Variants in CENPM observed in about 807,000 individuals in gnomAD.
CENPM encodes the protein interphase centromere complex protein 39.
In CENPM, 14 loss-of-function variants were observed where a neutral mutation model predicts 19.6. The ratio of observed to expected loss-of-function variants is 0.71; its 90% CI spans 0.47 to 1.11. CENPM has a LOEUF of 1.11. Among genes scored for constraint, CENPM ranks in the 50% most tolerant of loss-of-function variants. The pLI is 0.00. For missense variants in CENPM, 239 were observed against 228.4 expected, an observed-to-expected ratio of 1.05 and a Z score of -0.30; for synonymous variants, 114 against 101.5, an observed-to-expected ratio of 1.12 and a Z score of -0.74.
Position 41,947,047 on chromosome 22 carries a change from C to T in CENPM, c.30G>A (p.Leu10=), listed in dbSNP as rs1261776282. 2 of 1,612,968 alleles carry T rather than the reference C, an allele frequency of 1.2e-6. No individual in the cohort carries two copies. Among genetic ancestry groups the T allele is most frequent in the South Asian group, 1.1e-5 (1 of 91,080 alleles). The change falls in exon 1 of 6, where the codon CTG becomes CTA. Residue 10 remains leucine, a synonymous_variant. Transcript: ENST00000215980. ...AGATGGTGGCCGTGTTCAGGCCGGGCAGCTTGTCCAGGGGCCTCAACACCG... is the reference window on the plus strand; with the variant it reads ...AGATGGTGGCCGTGTTCAGGCCGGGTAGCTTGTCCAGGGGCCTCAACACCG... MSVLRPLDK[L]PGLNTATILL... is the part of the protein sequence containing the mutation.
downstream of CENPM, among the ~76,000 whole-genome samples, chr22:41,935,874 C>CTTTTT (rs763615752): frequency 7.1e-6 from 1 of 140,514 alleles, no homozygotes; most frequent in Non-Finnish European, 1.6e-5. Flanking sequence ...ATGCCCAAAT[C>CTTTTT]TTTTTTTTTT....
At chr22:41,933,878 C>A (rs928104596), downstream of CENPM, among the ~76,000 whole-genome samples, 10 of 152,192 alleles carry the variant, frequency 6.6e-5, no homozygotes, top group Non-Finnish European at 1.2e-4. Flanking sequence ...GTCTCAAGAA[C>A]CCCACGGCTC....
chr22:41,946,055 G>A (rs1292286502), intron 2 of CENPM, 50 bp from the exon 3 acceptor site: 1 of 1,488,864 alleles, frequency 6.7e-7, no homozygotes, highest in Non-Finnish European at 9.3e-7. Flanking sequence ...CCCCCTCATA[G>A]CGACCGTTTA....
chr22:41,929,983 G>T, the CENPM span, among the ~76,000 whole-genome samples: 5 of 113,274 alleles, frequency 4.4e-5, no homozygotes, highest in Admixed American at 1.3e-4. Context: ...TCTCTCTGTC[G>T]CCCAGGCTGG....
At position 41,939,194 on chromosome 22, in the gene CENPM, C is replaced by A; in HGVS notation, c.405G>T (p.Val135=). 1 of 1,609,994 alleles carries A rather than the reference C, an allele frequency of 6.2e-7. No homozygotes were observed. The highest frequency in any genetic ancestry group is 8.5e-7 in the Non-Finnish European group (1 of 1,178,692). ...QSPLLYCDLE[V]EGFRATMAQR... ...GCGCCATGGTGGCCCTAAAGCCTTC[C>A]ACCTGCGGGGAGAGCAGAGAACAGC... is the stretch of plus-strand genomic sequence containing the variant. Residue 135 remains valine, a splice_region_variant and synonymous_variant, in exon 6 of 6, where the codon GTG becomes GTT. Coordinates refer to ENST00000215980, the MANE Select transcript of CENPM (RefSeq NM_024053.5).
downstream of CENPM, among the ~76,000 whole-genome samples, chr22:41,935,742 G>A (rs569262541): frequency 4.6e-5 from 7 of 152,312 alleles, no homozygotes; most frequent in Admixed American, 3.9e-4. Flanking sequence ...CTGCCCTCTC[G>A]CGATGCTGTG....
rs560761614 is a variant in CENPM at position 41,946,931 on chromosome 22, T to C, written c.57+89A>G. The C allele has an allele frequency of 5.4e-5, 74 of 1,371,680 alleles. No homozygotes were observed. The African/African-American group carries it at 1.0e-3, about 19-fold the overall frequency. The allele number at this position is 1,371,680 out of a possible 1,614,324, so 85.0% of individuals were successfully genotyped here. ...CCCGCCACGGTAGCGCGCGCTGGCT[T>C]GGCGCCTCAGAGAGCTCAGTTGACC... On this transcript the variant is annotated intron_variant, in intron 1 of 5. Transcript: ENST00000215980.
chr22:41,935,438 C>A (rs2077679667), downstream of CENPM, among the ~76,000 whole-genome samples: 4 of 152,140 alleles, frequency 2.6e-5, no homozygotes, highest in African/African-American at 7.2e-5. Flanking sequence ...AGTTACCCTG[C>A]AAAGACACGC....
downstream of CENPM, among the ~76,000 whole-genome samples, chr22:41,933,777 A>T (rs1288220187): frequency 6.6e-6 from 1 of 152,204 alleles, no homozygotes; most frequent in Admixed American, 6.5e-5. Context: ...AGAACCTTCC[A>T]GAAAACGTCC....
rs1032475885 is a variant in CENPM at position 41,938,842 on chromosome 22, G to C, written c.*214C>G. The C allele has an allele frequency of 1.8e-6, 1 of 543,126 alleles. No individual in the cohort carries two copies. Among genetic ancestry groups the C allele is most frequent in the Non-Finnish European group, 3.3e-6 (1 of 307,066 alleles). The allele number at this position is 543,126 out of a possible 1,614,324, so 33.6% of individuals were successfully genotyped here. ...AGACACAGGCTCTGCAAGAGTGAGT[G>C]TGGGAGTGGGAGGGGGCTACAGTCT... On this transcript the variant is annotated 3_prime_UTR_variant, in exon 6 of 6. Transcript: ENST00000215980.
chr22:41,932,466 G>A, the CENPM span, among the ~76,000 whole-genome samples: 26 of 152,182 alleles, frequency 1.7e-4, no homozygotes, highest in African/African-American at 4.8e-5. The surrounding 1 kb of genome is among the most constrained non-coding windows in gnomAD (Gnocchi z 4.3). Context: ...GGCAGGTCAC[G>A]CCCTTCCATG....
rs1178908362 is a variant in CENPM, at chr22:41,938,979, C to T, written c.*77G>A. 1 of 1,554,734 alleles carries T rather than the reference C, an allele frequency of 6.4e-7. No individual in the cohort carries two copies. The highest frequency in any genetic ancestry group is 1.4e-5 in the African/African-American group (1 of 73,916). ...TGAGCCTGGGCCTGTCAAGCCCTGA[C>T]TGGACATCCTCAACAGAGAATGTTT... On this transcript the variant is annotated 3_prime_UTR_variant, in exon 6 of 6. Transcript: ENST00000215980.
the CENPM span, among the ~76,000 whole-genome samples, chr22:41,931,258 C>T: frequency 6.6e-6 from 1 of 150,862 alleles, no homozygotes; most frequent in Non-Finnish European, 1.5e-5. Context: ...CACCAGAAGT[C>T]AGGAGTTTGA....
At chr22:41,930,237 C>CT in the CENPM span, among the ~76,000 whole-genome samples, 69 of 132,222 alleles carry the variant, frequency 5.2e-4, 1 homozygote, top group South Asian at 0.012. Flanking sequence ...CACCGCGTCC[C>CT]TTTTTTTTTT....
At chr22:41,941,529 T>G (rs1362758788) in intron 5 of CENPM, among the ~76,000 whole-genome samples, 1 of 152,180 alleles carries the variant, frequency 6.6e-6, no homozygotes, top group Non-Finnish European at 1.5e-5. Flanking sequence ...CACCAGCACC[T>G]GAACTATGGA....
chr22:41,932,155 G>T, the CENPM span, among the ~76,000 whole-genome samples: 4 of 152,346 alleles, frequency 2.6e-5, no homozygotes. The surrounding 1 kb of genome is among the most constrained non-coding windows in gnomAD (Gnocchi z 4.3). Flanking sequence ...GGCCTGCAGG[G>T]CTTCGAGTCA....
At chr22:41,933,836 G>T (rs770626075), downstream of CENPM, among the ~76,000 whole-genome samples, 2 of 152,190 alleles carry the variant, frequency 1.3e-5, no homozygotes, top group South Asian at 2.1e-4. Flanking sequence ...CCCCTGATGC[G>T]TGTGGGTTGG....
chr22:41,928,188 C>T, the CENPM span: 1 of 423,102 alleles, frequency 2.4e-6, no homozygotes, highest in Admixed American at 2.5e-5. The surrounding 1 kb of genome is among the most constrained non-coding windows in gnomAD (Gnocchi z 4.0). Context: ...AGTGAGGGAA[C>T]TGTGACTGCA....
chr22:41,944,774 A>T, intron 4 of CENPM: 2 of 996,706 alleles, frequency 2.0e-6, no homozygotes, highest in Non-Finnish European at 2.4e-6. Flanking sequence ...CAAACTGCAA[A>T]GTGTTTTATG....
Sources: gnomAD v4.1 joint callset for allele counts (sites outside exome capture counted in the v4.1 genomes callset) on GRCh38, gnomAD v4.1.1 for gene constraint, Gnocchi (gnomAD v3.1) non-coding constraint, MANE v1.5 for transcripts, NCBI Gene and HGNC (gene_info 2026-07-23, HGNC 2026-07-21) for gene names.